The following MVP variants were observed in gnomAD, a reference collection of about 807,000 sequenced individuals.
MVP encodes major vault protein, also known as lung resistance-related protein.
In MVP, 62 loss-of-function variants were observed where a neutral mutation model predicts 83.5. The observed-to-expected ratio is 0.74, with a 90% CI of 0.61 to 0.92. MVP has a LOEUF of 0.92. Ranked by LOEUF, MVP falls within the 40% of genes least tolerant of loss-of-function variation. The probability of loss-of-function intolerance (pLI) is 0.00; values close to 1 mark genes in which losing one functional copy is unlikely to be tolerated. For missense variants in MVP, 1,000 were observed against 1,203.4 expected (o/e 0.83, Z 2.50); for synonymous variants, 505 against 504.1 (o/e 1.00, Z -0.02).
chr16:29,828,725 G>A (rs1279863790), intron 1 of MVP, among the ~76,000 whole-genome samples: 2 of 152,192 alleles, frequency 1.3e-5, no homozygotes, highest in Non-Finnish European at 2.9e-5. Flanking sequence ...CAATGGCATA[G>A]CTGTAAGGCA....
At chr16:29,837,388 C>T (rs1166708998) in intron 7 of MVP, among the ~76,000 whole-genome samples, 3 of 152,236 alleles carry the variant, frequency 2.0e-5, no homozygotes, top group Non-Finnish European at 4.4e-5. Context: ...CTGAATACTG[C>T]AGGCAGCTGA....
At chr16:29,840,848 G>C (rs568412163) in intron 8 of MVP, among the ~76,000 whole-genome samples, 1 of 152,050 alleles carries the variant, frequency 6.6e-6, no homozygotes. Context: ...GCTGAGACAG[G>C]AGAATTGCTT....
At position 29,840,342 on chromosome 16, in the gene MVP, C is replaced by G. The variant is rs751975905; in HGVS notation, c.1074C>G (p.Leu358=). The G allele has an allele frequency of 6.2e-7, 1 of 1,609,710 alleles. No homozygotes were observed. Among genetic ancestry groups the G allele is most frequent in the African/African-American group, 1.3e-5 (1 of 75,036 alleles). ...CACACCAGGCTGGGGACCACTGGCTCATCCGCGGACCCCTGGAGTATGTGC... is the reference window on the plus strand; with the variant it reads ...CACACCAGGCTGGGGACCACTGGCTGATCCGCGGACCCCTGGAGTATGTGC... ...KVSHQAGDHW[L]IRGPLEYVPS... Residue 358 remains leucine (L), a synonymous_variant, in exon 8 of 15, where the codon CTC becomes CTG. Coordinates refer to ENST00000357402, the MANE Select transcript of MVP (RefSeq NM_005115.5).
chr16:29,837,069 G>A, intron 7 of MVP, 111 bp downstream of exon 7: 1 of 996,764 alleles, frequency 1.0e-6, no homozygotes, highest in Non-Finnish European at 1.4e-6. Flanking sequence ...AACACCTTCT[G>A]TGCCTTTGCA....
chr16:29,835,887 A>G, intron 6 of MVP, 89 bp downstream of exon 6: 1 of 1,055,674 alleles, frequency 9.5e-7, no homozygotes, highest in Non-Finnish European at 1.4e-6. Flanking sequence ...GCATGAGAGT[A>G]AAAGAGAAGC....
chr16:29,838,813 G>T (rs1336509269), intron 7 of MVP, among the ~76,000 whole-genome samples: 3 of 152,168 alleles, frequency 2.0e-5, no homozygotes, highest in Non-Finnish European at 4.4e-5. Flanking sequence ...AGGCAGTAGA[G>T]TGAGATCCTG....
At chr16:29,821,559 T>C (rs2067361535) in intron 1 of MVP, among the ~76,000 whole-genome samples, 2 of 152,150 alleles carry the variant, frequency 1.3e-5, no homozygotes, top group South Asian at 4.1e-4. Flanking sequence ...ATTAGCACCA[T>C]CTGGGCAGTA....
chr16:29,826,925 CAAAAAA>C (rs779179408), intron 1 of MVP, among the ~76,000 whole-genome samples: 1 of 70,850 alleles, frequency 1.4e-5, no homozygotes, highest in Non-Finnish European at 3.2e-5. Flanking sequence ...GAGTCCATCT[CAAAAAA>C]AAAAAAAAAA....
In MVP at chr16:29,830,916, C is replaced by G; in HGVS notation, c.164C>G (p.Pro55Arg). 2 of 1,613,834 alleles carry G rather than the reference C, an allele frequency of 1.2e-6. No homozygotes were observed. Among genetic ancestry groups the G allele is most frequent in the South Asian group, 1.1e-5 (1 of 91,064 alleles). Residue 55 changes from proline (P) to arginine (R), a missense_variant, in exon 3 of 15, where the codon CCA (proline) becomes CGA (arginine). Physicochemically the swap from Pro to Arg is moderately radical, Grantham distance 103. Coordinates refer to ENST00000357402, the MANE Select transcript of MVP (RefSeq NM_005115.5). ...CCCATGCGCATGGTGACCGTCCCCCCACGTCACTACTGCACAGTGGCCAAC... is the reference window on the plus strand; with the variant it reads ...CCCATGCGCATGGTGACCGTCCCCCGACGTCACTACTGCACAGTGGCCAAC... ...FAPMRMVTVP[P>R]RHYCTVANPV...
chr16:29,845,798 C>T, intron 11 of MVP, 65 bp from the exon 12 acceptor site: 2 of 1,480,110 alleles, frequency 1.4e-6, no homozygotes, highest in South Asian at 2.4e-5. Context: ...TGGCCGCTGC[C>T]CTTGGCGCTC....
chr16:29,825,787 C>T (rs9938630), intron 1 of MVP, among the ~76,000 whole-genome samples: 34,381 of 152,092 alleles, frequency 0.23, 5,442 homozygotes, highest in African/African-American at 0.46. Context: ...AGATTATCCA[C>T]TGATGAACCA....
At chr16:29,831,694 T>A in intron 3 of MVP, 2 of 456,136 alleles carry the variant, frequency 4.4e-6, no homozygotes, top group South Asian at 3.1e-5. Context: ...AAATGACATG[T>A]GCCAAGGTTA....
At chr16:29,832,442 C>T (rs932280078) in intron 3 of MVP, among the ~76,000 whole-genome samples, 30 of 150,758 alleles carry the variant, frequency 2.0e-4, no homozygotes, top group African/African-American at 4.1e-4. Flanking sequence ...GGACTACAGG[C>T]GCCCACCACC....
chr16:29,838,564 A>G (rs1384400255), intron 7 of MVP, among the ~76,000 whole-genome samples: 1 of 152,192 alleles, frequency 6.6e-6, no homozygotes, highest in Non-Finnish European at 1.5e-5. Flanking sequence ...GCAACAGCTC[A>G]TGACTATAAT....
intron 2 of MVP, 67 bp downstream of exon 2, chr16:29,830,741 G>A: frequency 6.3e-7 from 1 of 1,592,716 alleles, no homozygotes. Flanking sequence ...TGGCATGATG[G>A]TCCTTATCCT....
chr16:29,847,218 C>A lies in MVP; in HGVS notation c.2287C>A (p.Gln763Lys). 1 of 1,613,430 alleles carries A rather than the reference C, an allele frequency of 6.2e-7. No individual in the cohort carries two copies. The highest frequency in any genetic ancestry group is 8.5e-7 in the Non-Finnish European group (1 of 1,179,984). Reference sequence around the variant, plus strand: ...CCAGGAGGCTGAGCTCCAGAGGGTCCAGAAGGTCCGAGAGCTGGAACTGGT... The same window carrying A: ...CCAGGAGGCTGAGCTCCAGAGGGTCAAGAAGGTCCGAGAGCTGGAACTGGT... The part of the protein sequence containing the change: ...IETEAELQRV[Q>K]KVRELELVYA... The change falls in exon 14 of 15, where the codon CAG becomes AAG. Residue 763 changes from glutamine to lysine, a missense_variant. Coordinates refer to ENST00000357402, the MANE Select transcript of MVP (RefSeq NM_005115.5).
chr16:29,845,957 C>G lies in MVP; in HGVS notation c.2116C>G (p.Leu706Val). The G allele has an allele frequency of 1.9e-6, 3 of 1,614,248 alleles. No homozygotes were observed. The highest frequency in any genetic ancestry group is 1.7e-6 in the Non-Finnish European group (2 of 1,180,040). The change falls in exon 12 of 15, where the codon CTT becomes GTT. Residue 706 changes from leucine (L) to valine (V), a missense_variant. Coordinates refer to ENST00000357402, the MANE Select transcript of MVP (RefSeq NM_005115.5). ...AGAAGCCGAGAAAGCTCGCAAGGAA[C>G]TTTTGGAGCTGGAGGCTCTGAGGTG... ...QSEAEKARKE[L>V]LELEALSMAV...
intron 14 of MVP, among the ~76,000 whole-genome samples, 161 bp downstream of exon 14, chr16:29,847,546 A>G (rs866943510): frequency 6.6e-6 from 1 of 152,174 alleles, no homozygotes; most frequent in Non-Finnish European, 1.5e-5. Context: ...CGCTGCATCA[A>G]CGTCAGGCAC....
intron 1 of MVP, chr16:29,821,068 T>C (rs771055518): frequency 5.3e-5 from 8 of 152,226 alleles, no homozygotes; most frequent in Non-Finnish European, 1.0e-4. Context: ...AGGCGTAGAA[T>C]TTAGTGACCA....
Sources: allele counts gnomAD v4.1 joint callset (sites outside exome capture counted in the v4.1 genomes callset), GRCh38; gene constraint gnomAD v4.1.1; transcripts MANE v1.5; gene names NCBI Gene and HGNC (gene_info 2026-07-23, HGNC 2026-07-21).